The following CEP83 variants were observed in gnomAD, a reference collection of about 807,000 sequenced individuals.
The protein encoded by CEP83 is centrosomal protein 83, also known as centrosomal protein of 83 kDa.
In CEP83, 70 loss-of-function variants were observed where a neutral mutation model predicts 101.9. The observed-to-expected ratio is 0.69, with a 90% CI of 0.57 to 0.84. CEP83 has a LOEUF of 0.84. CEP83 is among the 40% of genes least tolerant of loss of function. The probability of loss-of-function intolerance (pLI) is 0.00; values close to 1 mark genes in which losing one functional copy is unlikely to be tolerated. For missense variants in CEP83, 715 were observed against 787.2 expected (o/e 0.91, Z 1.10); for synonymous variants, 264 against 267.9 (o/e 0.99, Z 0.14).
At position 94,389,885 on chromosome 12, in the gene CEP83, C is replaced by T. The variant is rs143492557; in HGVS notation, c.550-10843G>A. Reference sequence around the variant, plus strand: ...CACTGCTAGCACAGCAGTCTGAGATCGAACTGCGAGGCGGCACCCTGGCAG... The same window carrying T: ...CACTGCTAGCACAGCAGTCTGAGATTGAACTGCGAGGCGGCACCCTGGCAG... On this transcript the variant is annotated intron_variant, in intron 6 of 16. Coordinates refer to ENST00000397809, the MANE Select transcript of CEP83 (RefSeq NM_016122.3). 5.1e-3 allele frequency among the ~76,000 whole-genome samples: 779 copies of T among 152,336 alleles called. 5 individuals are homozygous for T. The highest frequency in any genetic ancestry group is 8.8e-3 in the Non-Finnish European group (601 of 68,030).
At chr12:94,424,426 C>T in intron 2 of CEP83, 1 of 1,614,070 alleles carries the variant, frequency 6.2e-7, no homozygotes, top group Admixed American at 1.7e-5. Context: ...TGGACTCCAT[C>T]CTTGCAAAGC....
chr12:94,400,550 G>C (rs2063189727), intron 6 of CEP83, among the ~76,000 whole-genome samples: 1 of 152,098 alleles, frequency 6.6e-6, no homozygotes, highest in Non-Finnish European at 1.5e-5. Flanking sequence ...TTTGCAGAGA[G>C]AAGTCCATCT....
chr12:94,397,625 T>C (rs141896958), intron 6 of CEP83, among the ~76,000 whole-genome samples: 1 of 152,332 alleles, frequency 6.6e-6, no homozygotes, highest in East Asian at 1.9e-4. Context: ...CAGGTTTCAC[T>C]ATTTCAAAAA....
At chr12:94,429,249 G>A (rs2065435753) in intron 2 of CEP83, among the ~76,000 whole-genome samples, 2 of 152,170 alleles carry the variant, frequency 1.3e-5, no homozygotes, top group African/African-American at 2.4e-5. Context: ...CCAGTCAGGG[G>A]AAAGGGTAAA....
chr12:94,269,934 G>T, the CEP83 span, among the ~76,000 whole-genome samples: 2 of 152,114 alleles, frequency 1.3e-5, no homozygotes, highest in East Asian at 3.8e-4. Context: ...AACATGTAAT[G>T]GGTGCTTTAA....
chr12:94,376,646 T>G (rs1475187714), intron 7 of CEP83, among the ~76,000 whole-genome samples: 1 of 150,656 alleles, frequency 6.6e-6, no homozygotes, highest in Non-Finnish European at 1.5e-5. Context: ...ACTAAAATCT[T>G]TTTTGAAAAA....
chr12:94,334,303 A>T (rs1189096686), intron 12 of CEP83, among the ~76,000 whole-genome samples: 1 of 150,084 alleles, frequency 6.7e-6, no homozygotes, highest in Admixed American at 6.7e-5. Context: ...AATGTCACTC[A>T]CAGCTTTTTT....
At chr12:94,280,620 T>C in the CEP83 span, among the ~76,000 whole-genome samples, 2 of 152,212 alleles carry the variant, frequency 1.3e-5, no homozygotes, top group African/African-American at 2.4e-5. Context: ...GTTGAGTCAC[T>C]TGAGGACCAT....
At chr12:94,449,740 T>C (rs1404173741) in intron 1 of CEP83, among the ~76,000 whole-genome samples, 1 of 134,390 alleles carries the variant, frequency 7.4e-6, no homozygotes, top group Non-Finnish European at 1.5e-5. Context: ...ACCACTGCAC[T>C]TCAGCCTGGG....
chr12:94,370,351 G>GA (rs1285775653), intron 8 of CEP83, among the ~76,000 whole-genome samples: 1 of 151,986 alleles, frequency 6.6e-6, no homozygotes, highest in African/African-American at 2.4e-5. Context: ...ATCTGCAGGG[G>GA]AAAAAACCCT....
chr12:94,284,585 T>C, the CEP83 span, among the ~76,000 whole-genome samples: 4 of 152,112 alleles, frequency 2.6e-5, no homozygotes, highest in Admixed American at 6.6e-5. Context: ...TTCTATCCTA[T>C]AGCAGTCCTA....
chr12:94,443,557 A>G (rs879698284), intron 1 of CEP83, among the ~76,000 whole-genome samples: 4 of 151,992 alleles, frequency 2.6e-5, no homozygotes, highest in Admixed American at 2.0e-4. Context: ...CAATGGCGCA[A>G]TCTCAGCTCA....
chr12:94,391,947 A>G (rs969413410), intron 6 of CEP83, among the ~76,000 whole-genome samples: 4 of 152,194 alleles, frequency 2.6e-5, no homozygotes, highest in Non-Finnish European at 4.4e-5. Context: ...TAACTAACCT[A>G]AATACATATG....
chr12:94,453,157 A>T (rs146660479), intron 1 of CEP83, among the ~76,000 whole-genome samples: 40 of 152,152 alleles, frequency 2.6e-4, no homozygotes, highest in African/African-American at 9.6e-4. Context: ...TGGTTTTCCT[A>T]CCTTCTTTCT....
At chr12:94,444,755 T>C (rs922131066) in intron 1 of CEP83, among the ~76,000 whole-genome samples, 3 of 151,952 alleles carry the variant, frequency 2.0e-5, no homozygotes, top group Non-Finnish European at 4.4e-5. Context: ...CTCAGCATTT[T>C]GGGAGGTCGA....
intron 1 of CEP83, among the ~76,000 whole-genome samples, chr12:94,447,865 ATATTT>A (rs1430775579): frequency 6.6e-6 from 1 of 152,154 alleles, no homozygotes; most frequent in Non-Finnish European, 1.5e-5. Context: ...ACACTAAAGA[ATATTT>A]AACACAGAAA....
intron 5 of CEP83, chr12:94,402,388 C>T (rs2063305510): frequency 6.6e-6 from 1 of 151,610 alleles, no homozygotes; most frequent in Non-Finnish European, 1.5e-5. Flanking sequence ...TTATACAGCA[C>T]AGTAGAAGGT....
chr12:94,432,786 T>C (rs780062218), intron 2 of CEP83, among the ~76,000 whole-genome samples: 10 of 152,188 alleles, frequency 6.6e-5, no homozygotes, highest in Non-Finnish European at 1.2e-4. Flanking sequence ...AGGTGATGAA[T>C]ACCCCAAGTA....
intron 14 of CEP83, among the ~76,000 whole-genome samples, chr12:94,324,366 A>T (rs1459744328): frequency 6.6e-6 from 1 of 152,260 alleles, no homozygotes; most frequent in Non-Finnish European, 1.5e-5. Flanking sequence ...ATGTTCTTAA[A>T]GAAATGTATT....
Sources: gnomAD v4.1 joint callset for allele counts (sites outside exome capture counted in the v4.1 genomes callset) on GRCh38, gnomAD v4.1.1 for gene constraint, MANE v1.5 for transcripts, NCBI Gene and HGNC (gene_info 2026-07-23, HGNC 2026-07-21) for gene names.